The following SPMIP2 variants were observed in gnomAD, a reference collection of about 807,000 sequenced individuals.
SPMIP2 encodes protein SPMIP2.
chr4:158,951,035 C>T, the SPMIP2 span, among the ~76,000 whole-genome samples: 5 of 152,230 alleles, frequency 3.3e-5, no homozygotes, highest in East Asian at 9.6e-4. Context: ...AGCCACAGCA[C>T]ACTGCTTCCC....
the SPMIP2 span, among the ~76,000 whole-genome samples, chr4:159,082,193 C>T: frequency 1.3e-5 from 2 of 148,688 alleles, no homozygotes; most frequent in Non-Finnish European, 3.0e-5. Flanking sequence ...ATTAGGTGGG[C>T]GTGGTGGCAG....
chr4:158,904,774 C>T, the SPMIP2 span: 5 of 496,450 alleles, frequency 1.0e-5, no homozygotes, highest in Admixed American at 1.3e-4. Flanking sequence ...CCATTTGTTA[C>T]CCATGAATCA....
the SPMIP2 span, among the ~76,000 whole-genome samples, chr4:159,048,313 G>C: frequency 6.6e-6 from 1 of 152,208 alleles, no homozygotes; most frequent in African/African-American, 2.4e-5. Flanking sequence ...GGGCGCGCTG[G>C]AATGCCTGGC....
the SPMIP2 span, among the ~76,000 whole-genome samples, chr4:159,002,067 A>G: frequency 3.3e-5 from 5 of 152,036 alleles, 1 homozygote; most frequent in Admixed American, 3.3e-4. Context: ...CATTTCTCTA[A>G]TGATCAGTGA....
chr4:158,967,567 A>C, the SPMIP2 span, among the ~76,000 whole-genome samples: 3 of 152,244 alleles, frequency 2.0e-5, no homozygotes, highest in African/African-American at 7.2e-5. Flanking sequence ...TTGCTTTTAT[A>C]AGTTAGTTGA....
At chr4:158,947,270 G>GA in the SPMIP2 span, among the ~76,000 whole-genome samples, 18 of 150,780 alleles carry the variant, frequency 1.2e-4, no homozygotes, top group African/African-American at 3.4e-4. Context: ...ACAACTCCAA[G>GA]AAAAAAAAAG....
the SPMIP2 span, among the ~76,000 whole-genome samples, chr4:159,014,816 TA>T: frequency 5.0e-3 from 724 of 144,150 alleles, 2 homozygotes; most frequent in African/African-American, 0.013. Context: ...GCTGACGAGC[TA>T]AAAAAAAAAA....
chr4:158,927,730 C>T, the SPMIP2 span, among the ~76,000 whole-genome samples: 19 of 152,236 alleles, frequency 1.2e-4, no homozygotes, highest in African/African-American at 3.9e-4. Context: ...ACCCGGGCTG[C>T]GCAAGGTGCT....
the SPMIP2 span, among the ~76,000 whole-genome samples, chr4:158,954,937 A>G: frequency 8.6e-5 from 13 of 151,988 alleles, no homozygotes; most frequent in African/African-American, 2.9e-4. Flanking sequence ...CCATTCCTCT[A>G]TTTCCTATCT....
chr4:158,948,223 G>A, the SPMIP2 span, among the ~76,000 whole-genome samples: 19 of 152,082 alleles, frequency 1.2e-4, no homozygotes, highest in African/African-American at 3.9e-4. Context: ...GGGTACCTTG[G>A]TTCCTGGACT....
the SPMIP2 span, among the ~76,000 whole-genome samples, chr4:158,949,562 A>G: frequency 1.8e-4 from 5 of 27,266 alleles, no homozygotes; most frequent in African/African-American, 4.7e-4. Context: ...ATTGTACTTC[A>G]TGTGCTTCAT....
chr4:159,031,380 A>G, the SPMIP2 span, among the ~76,000 whole-genome samples: 5 of 152,228 alleles, frequency 3.3e-5, no homozygotes, highest in Non-Finnish European at 1.5e-5. Flanking sequence ...GAAGGAAGTA[A>G]TTGACAAATT....
chr4:159,053,010 G>A, the SPMIP2 span, among the ~76,000 whole-genome samples: 157 of 137,686 alleles, frequency 1.1e-3, no homozygotes, highest in African/African-American at 4.2e-3. Flanking sequence ...AGGCTGGAGT[G>A]CAGTGGCGGG....
chr4:158,935,370 G>C, the SPMIP2 span, among the ~76,000 whole-genome samples: 1 of 152,160 alleles, frequency 6.6e-6, no homozygotes, highest in African/African-American at 2.4e-5. Context: ...GGGACACAAT[G>C]ATTCCCTCCT....
At chr4:158,999,573 T>C in the SPMIP2 span, among the ~76,000 whole-genome samples, 2 of 152,238 alleles carry the variant, frequency 1.3e-5, no homozygotes, top group African/African-American at 4.8e-5. Context: ...GCAAGTAAGC[T>C]GTAATCAACA....
the SPMIP2 span, chr4:158,909,437 A>C: frequency 6.6e-6 from 1 of 151,926 alleles, no homozygotes; most frequent in South Asian, 2.1e-4. Flanking sequence ...CTTTAAAATC[A>C]TGCCATTGAT....
the SPMIP2 span, among the ~76,000 whole-genome samples, chr4:158,900,313 T>C: frequency 6.6e-6 from 1 of 152,224 alleles, no homozygotes. Context: ...AGAATGTACA[T>C]TCTGTTGATT....
the SPMIP2 span, among the ~76,000 whole-genome samples, chr4:159,068,703 A>G: frequency 6.6e-6 from 1 of 151,784 alleles, no homozygotes; most frequent in South Asian, 2.1e-4. Flanking sequence ...AAAAAATAAA[A>G]AAAAGAAAAA....
At chr4:159,052,721 C>A in the SPMIP2 span, among the ~76,000 whole-genome samples, 1 of 151,150 alleles carries the variant, frequency 6.6e-6, no homozygotes, top group African/African-American at 2.4e-5. Flanking sequence ...GCAACCTCTG[C>A]CTTCCAGGTT....
Sources: allele counts gnomAD v4.1 joint callset (sites outside exome capture counted in the v4.1 genomes callset), GRCh38; gene constraint gnomAD v4.1.1; transcripts MANE v1.5; gene names NCBI Gene and HGNC (gene_info 2026-07-23, HGNC 2026-07-21).